PRDM1: variants seen among roughly 807,000 people sequenced by gnomAD.
PRDM1 encodes PR/SET domain 1.
PRDM1 carries 13 observed loss-of-function variants against 62.8 expected under a neutral mutation model. The ratio of observed to expected loss-of-function variants is 0.21; its 90% CI spans 0.13 to 0.33. The LOEUF is 0.33. PRDM1 is among the 10% of genes least tolerant of loss of function. The probability of loss-of-function intolerance (pLI) is 1.00; values close to 1 mark genes in which losing one functional copy is unlikely to be tolerated. For missense variants in PRDM1, 895 were observed against 1,058.8 expected (o/e 0.85, Z 2.15); for synonymous variants, 396 against 417.6 (o/e 0.95, Z 0.63).
At chr6:106,024,975 G>A (rs571096923) in intron 1 of PRDM1, among the ~76,000 whole-genome samples, 2 of 152,106 alleles carry the variant, frequency 1.3e-5, no homozygotes, top group African/African-American at 4.8e-5. Context: ...ATATTCACAA[G>A]TCGTGTGTCT....
chr6:106,099,172 G>C, intron 3 of PRDM1, 128 bp from the exon 4 acceptor site: 7 of 1,603,818 alleles, frequency 4.4e-6, no homozygotes, highest in Non-Finnish European at 6.0e-6. Flanking sequence ...AAACTGATTG[G>C]ATTCTTTTTC....
Position 106,106,042 on chromosome 6 carries a change from G to T in PRDM1, c.1773+109G>T. 1.4e-6 allele frequency: 2 copies of T among 1,454,840 alleles called. No individual in the cohort carries two copies. The highest frequency in any genetic ancestry group is 1.8e-6 in the Non-Finnish European group (2 of 1,093,598). 90.1% of individuals were successfully genotyped at this position (1,454,840 alleles called of 1,614,324 possible). On this transcript the variant is annotated intron_variant, in intron 5 of 6. Coordinates refer to ENST00000369096, the MANE Select transcript of PRDM1 (RefSeq NM_001198.4). This position sits in a 1 kb window ranked among gnomAD's most constrained non-coding sequence, Gnocchi z 4.4. ...TGCATTTGCAGTAGTATGAGCCCCC[G>T]GTTGGGGATAGTGGGTATGGATTCC... is the stretch of plus-strand genomic sequence containing the variant.
upstream of PRDM1, among the ~76,000 whole-genome samples, chr6:106,085,290 C>G (rs921759561): frequency 2.0e-5 from 3 of 152,034 alleles, no homozygotes; most frequent in Non-Finnish European, 4.4e-5. Context: ...AAAAACCTAC[C>G]TATGGTAAGG....
At chr6:106,038,014 C>CTTTTTTCTTTTTTTTTTT (rs1772945051) in intron 1 of PRDM1, among the ~76,000 whole-genome samples, 2 of 47,800 alleles carry the variant, frequency 4.2e-5, no homozygotes, top group Non-Finnish European at 7.1e-5. Context: ...CTATTTTTGT[C>CTTTTTTCTTTTTTTTTTT]TTTTTTTTTT....
chr6:106,038,375 C>G (rs1286851670), intron 1 of PRDM1, among the ~76,000 whole-genome samples: 1 of 152,146 alleles, frequency 6.6e-6, no homozygotes. Flanking sequence ...TTAAGGTGTT[C>G]TCAGGTCTTT....
chr6:105,993,413 T>G (rs1772306847), upstream of PRDM1, among the ~76,000 whole-genome samples: 1 of 152,176 alleles, frequency 6.6e-6, no homozygotes, highest in Non-Finnish European at 1.5e-5. Flanking sequence ...AACCTGCCCC[T>G]AGGTATGTTT....
chr6:106,090,695 G>A (rs745876519), intron 2 of PRDM1, among the ~76,000 whole-genome samples: 5 of 152,168 alleles, frequency 3.3e-5, no homozygotes, highest in Non-Finnish European at 7.4e-5. Context: ...AGTTCCATGA[G>A]CCATTGAAAT....
chr6:106,101,498 A>G lies in PRDM1; in HGVS notation c.664+1946A>G, dbSNP rs138859565. Reference sequence around the variant, plus strand: ...TTATTTATGCAGTATGTCCCCTTTTATTTTGGCAGAATTTTTTCTAAATGG... The same window carrying G: ...TTATTTATGCAGTATGTCCCCTTTTGTTTTGGCAGAATTTTTTCTAAATGG... On this transcript the variant is annotated intron_variant, in intron 4 of 6. Transcript: ENST00000369096. Among the ~76,000 whole-genome samples, 387 of 152,244 alleles carry G rather than the reference A, an allele frequency of 2.5e-3. 2 individuals carry two copies. The highest frequency in any genetic ancestry group is 8.7e-3 in the African/African-American group (363 of 41,560).
intron 1 of PRDM1, among the ~76,000 whole-genome samples, chr6:106,072,415 T>C (rs995263802): frequency 4.6e-5 from 7 of 152,232 alleles, no homozygotes; most frequent in African/African-American, 1.4e-4. Flanking sequence ...CAGCATGCAA[T>C]TGGGTGTGCC....
chr6:106,017,687 C>A (rs1772639005), intron 1 of PRDM1, among the ~76,000 whole-genome samples: 1 of 152,204 alleles, frequency 6.6e-6, no homozygotes, highest in Admixed American at 6.5e-5. Context: ...ACTGAACAAT[C>A]CCCATTTCAA....
intron 1 of PRDM1, among the ~76,000 whole-genome samples, chr6:106,020,577 C>G (rs909942474): frequency 6.6e-6 from 1 of 152,146 alleles, no homozygotes; most frequent in Non-Finnish European, 1.5e-5. Context: ...GCAGTTTGCC[C>G]AAAGTTTATA....
In PRDM1 at chr6:106,087,828, T is replaced by C. The variant is rs1773848482; in HGVS notation, c.43-373T>C. 7 of 239,718 alleles carry C rather than the reference T, an allele frequency of 2.9e-5. No individual in the cohort carries two copies. The East Asian group carries it at 4.2e-4, about 14-fold the overall frequency. 14.8% of individuals were successfully genotyped at this position (239,718 alleles called of 1,614,324 possible). A position where few individuals can be genotyped will look rare whatever the true frequency, so the allele number is the denominator to read the frequency against. ...CTTTTCTGAGGCAGCTTTTCCACAG[T>C]GCCGAGGGTCTGGCGGCCATGACCC... On this transcript the variant is annotated intron_variant, in intron 1 of 6. Coordinates refer to ENST00000369096, the MANE Select transcript of PRDM1 (RefSeq NM_001198.4).
At position 105,998,911 on chromosome 6, in the gene PRDM1, ATATATATATATATATATATATATT is replaced by A. The variant is rs1345689841; in HGVS notation, c.-67+5274_-67+5297del. Among the ~76,000 whole-genome samples, 145 of 57,800 alleles carry A rather than the reference ATATATATATATATATATATATATT, an allele frequency of 2.5e-3. 2 individuals carry two copies. The highest frequency in any genetic ancestry group is 5.1e-3 in the South Asian group (9 of 1,760). The allele number at this position is 57,800 out of a possible 152,430, so 37.9% of individuals were successfully genotyped here. On this transcript the variant is annotated intron_variant, in intron 1 of 6. Transcript: ENST00000652320. ...AATACATATATATATATATATATATATATATATATATATATATATATATTTTTTTTTTTTTTTTTCTTTTGAGAC... is the reference window on the plus strand; with the variant it reads ...AATACATATATATATATATATATATATTTTTTTTTTTTTTTCTTTTGAGAC...
Position 106,086,430 on chromosome 6 carries a change from G to A in PRDM1, c.-124G>A. 1.2e-6 allele frequency: 1 copy of A among 853,610 alleles called. No homozygotes were observed. Among genetic ancestry groups the A allele is most frequent in the Non-Finnish European group, 1.8e-6 (1 of 546,446 alleles). The allele number at this position is 853,610 out of a possible 1,614,324, so 52.9% of individuals were successfully genotyped here. ...GCACCTGTCCGCCCGGAGCTGGGAC[G>A]CGGGCGCCCGGGCGGCCGGACGAAG... is the stretch of plus-strand genomic sequence containing the variant. On this transcript the variant is annotated 5_prime_UTR_variant, in exon 1 of 7. Coordinates refer to ENST00000369096, the MANE Select transcript of PRDM1 (RefSeq NM_001198.4).
intron 2 of PRDM1, among the ~76,000 whole-genome samples, chr6:106,089,707 C>T (rs1773909883): frequency 6.6e-6 from 1 of 152,174 alleles, no homozygotes; most frequent in African/African-American, 2.4e-5. Context: ...TTAATTATAC[C>T]TCTTCCTGAA....
At chr6:106,000,447 A>G (rs1011449187) in intron 1 of PRDM1, among the ~76,000 whole-genome samples, 1 of 152,172 alleles carries the variant, frequency 6.6e-6, no homozygotes, top group Non-Finnish European at 1.5e-5. Flanking sequence ...CAACACAGTG[A>G]GACTCCATCT....
chr6:106,047,496 G>T (rs1383298795), upstream of PRDM1, among the ~76,000 whole-genome samples: 1 of 152,168 alleles, frequency 6.6e-6, no homozygotes, highest in East Asian at 1.9e-4. Context: ...ATTGTGTATG[G>T]TTTAGCTAAT....
At chr6:106,038,537 A>G (rs1454019195) in intron 1 of PRDM1, among the ~76,000 whole-genome samples, 1 of 152,004 alleles carries the variant, frequency 6.6e-6, no homozygotes, top group Non-Finnish European at 1.5e-5. Context: ...GTCCTTTAAA[A>G]CCTCTGGCAA....
At chr6:106,026,745 C>T (rs1296822099) in intron 1 of PRDM1, among the ~76,000 whole-genome samples, 1 of 152,044 alleles carries the variant, frequency 6.6e-6, no homozygotes, top group Non-Finnish European at 1.5e-5. Flanking sequence ...GTTACTTGTG[C>T]ATACAAAGAT....
Sources: allele counts gnomAD v4.1 joint callset (sites outside exome capture counted in the v4.1 genomes callset), GRCh38; gene constraint gnomAD v4.1.1; non-coding constraint Gnocchi (gnomAD v3.1); transcripts MANE v1.5; gene names NCBI Gene and HGNC (gene_info 2026-07-23, HGNC 2026-07-21).